Variants in NSMCE2 observed in about 807,000 individuals in gnomAD.
The protein encoded by NSMCE2 is E3 SUMO-protein ligase NSE2.
A neutral mutation model predicts 23.8 loss-of-function variants in NSMCE2; 24 were observed. That is an observed-to-expected ratio of 1.01 (90% CI 0.73 to 1.42). The LOEUF is 1.42. Among genes scored for constraint, NSMCE2 ranks in the 40% most tolerant of loss-of-function variants. The pLI is 0.00. For missense variants in NSMCE2, 284 were observed against 296.5 expected (o/e 0.96, Z 0.31); for synonymous variants, 92 against 94.1 (o/e 0.98, Z 0.13).
In NSMCE2 at chr8:125,111,508, A is replaced by G. The variant is rs552715090; in HGVS notation, c.157+9021A>G. ...TTTTGCTTAAACCTTTCATGTTCAA[A>G]ATGTTTTGAGGCTGGTTGCGGTGGC... is the stretch of plus-strand genomic sequence containing the variant. On this transcript the variant is annotated intron_variant, in intron 3 of 7. Transcript: ENST00000287437. Among the ~76,000 whole-genome samples, 77 of 152,292 alleles carry G rather than the reference A, an allele frequency of 5.1e-4. 2 individuals carry two copies. The South Asian group carries it at 0.016, about 32-fold the overall frequency.
chr8:125,286,172 C>T (rs1363956148), intron 5 of NSMCE2, among the ~76,000 whole-genome samples: 11 of 152,220 alleles, frequency 7.2e-5, no homozygotes, highest in African/African-American at 2.4e-4. Context: ...TCAGTGAAAG[C>T]CAAAGGTTTT....
At chr8:125,296,962 A>G (rs1483781520) in intron 5 of NSMCE2, among the ~76,000 whole-genome samples, 2 of 152,244 alleles carry the variant, frequency 1.3e-5, no homozygotes, top group East Asian at 1.9e-4. Flanking sequence ...CTTATTTTGC[A>G]TAGAAAATAT....
Position 125,156,957 on chromosome 8 carries a change from G to A in NSMCE2, c.264+5680G>A, listed in dbSNP as rs574056222. ...TTGCAGGTTGGAAGTTACCATTTTA[G>A]TTAAACCAAATTTGGGAAGAATTTC... On this transcript the variant is annotated intron_variant, in intron 4 of 7. Transcript: ENST00000287437. Among the ~76,000 whole-genome samples the A allele has an allele frequency of 1.5e-4, 23 of 152,212 alleles. 1 individual carries two copies. The South Asian group carries it at 4.8e-3, about 32-fold the overall frequency.
intron 5 of NSMCE2, among the ~76,000 whole-genome samples, chr8:125,240,163 T>C (rs1331333370): frequency 1.3e-5 from 2 of 151,614 alleles, no homozygotes; most frequent in Admixed American, 6.6e-5. Context: ...TCTTGCTCTG[T>C]CTCCCAGGCT....
At chr8:125,226,358 G>A (rs559071737) in intron 5 of NSMCE2, among the ~76,000 whole-genome samples, 1 of 152,302 alleles carries the variant, frequency 6.6e-6, no homozygotes, top group East Asian at 1.9e-4. Context: ...TTCTAATCAT[G>A]GGACATTCGC....
At chr8:125,130,619 A>G (rs1455244053) in intron 3 of NSMCE2, among the ~76,000 whole-genome samples, 1 of 152,148 alleles carries the variant, frequency 6.6e-6, no homozygotes, top group Non-Finnish European at 1.5e-5. Flanking sequence ...GCTTGCTGCT[A>G]CCAGAAAGTG....
At chr8:125,227,332 G>A (rs993884676) in intron 5 of NSMCE2, among the ~76,000 whole-genome samples, 1 of 152,180 alleles carries the variant, frequency 6.6e-6, no homozygotes, top group African/African-American at 2.4e-5. Flanking sequence ...TCAGATAGCA[G>A]TGAGAAGATG....
intron 5 of NSMCE2, among the ~76,000 whole-genome samples, chr8:125,201,644 C>T (rs562663299): frequency 7.2e-5 from 11 of 152,304 alleles, no homozygotes; most frequent in South Asian, 4.1e-4. Flanking sequence ...GGCTACACAG[C>T]GCTCAGGGAC....
chr8:125,207,976 G>A (rs1387015572), intron 5 of NSMCE2, among the ~76,000 whole-genome samples: 2 of 152,236 alleles, frequency 1.3e-5, no homozygotes, highest in African/African-American at 2.4e-5. Flanking sequence ...AGGCAGCCCA[G>A]ATTCTAAGGG....
intron 5 of NSMCE2, among the ~76,000 whole-genome samples, chr8:125,199,294 C>T (rs539578282): frequency 6.6e-6 from 1 of 152,242 alleles, no homozygotes; most frequent in African/African-American, 2.4e-5. Flanking sequence ...TTAGATCTTT[C>T]CTGCTTTCTC....
chr8:125,224,574 T>C (rs1364876276), intron 5 of NSMCE2, among the ~76,000 whole-genome samples: 2 of 152,250 alleles, frequency 1.3e-5, no homozygotes, highest in Non-Finnish European at 2.9e-5. Context: ...TTCCCCATTG[T>C]GTGCTCTTGG....
chr8:125,360,489 A>G (rs1293463422), intron 7 of NSMCE2, among the ~76,000 whole-genome samples: 2 of 152,196 alleles, frequency 1.3e-5, no homozygotes, highest in Non-Finnish European at 2.9e-5. Flanking sequence ...CCTGGTGCCA[A>G]CCCTCAAAAA....
intron 3 of NSMCE2, among the ~76,000 whole-genome samples, chr8:125,131,782 A>G (rs1242214875): frequency 2.0e-5 from 3 of 152,198 alleles, no homozygotes; most frequent in Non-Finnish European, 4.4e-5. Flanking sequence ...TTAAACAAGC[A>G]TCCCAAGTAA....
chr8:125,177,807 G>GT (rs1267092007), intron 4 of NSMCE2, among the ~76,000 whole-genome samples: 2 of 152,060 alleles, frequency 1.3e-5, no homozygotes, highest in African/African-American at 2.4e-5. Flanking sequence ...TTCTTCTTTA[G>GT]TTTTTCAGAG....
chr8:125,111,405 G>GA (rs376720891), intron 3 of NSMCE2, among the ~76,000 whole-genome samples: 3 of 151,922 alleles, frequency 2.0e-5, no homozygotes, highest in East Asian at 1.9e-4. Flanking sequence ...AAGTATGGGT[G>GA]AAAAAAAACT....
intron 3 of NSMCE2, among the ~76,000 whole-genome samples, chr8:125,143,528 A>G (rs1820496457): frequency 6.6e-6 from 1 of 152,196 alleles, no homozygotes. Flanking sequence ...AATTGGAGTC[A>G]GCAACCCCTT....
At chr8:125,171,846 T>C (rs1822228186) in intron 4 of NSMCE2, among the ~76,000 whole-genome samples, 1 of 152,230 alleles carries the variant, frequency 6.6e-6, no homozygotes, top group South Asian at 2.1e-4. Context: ...CCTGCAGTGA[T>C]GGAAACGTTC....
chr8:125,299,804 CT>C (rs58789139), intron 5 of NSMCE2, among the ~76,000 whole-genome samples: 686 of 70,158 alleles, frequency 9.8e-3, no homozygotes, highest in African/African-American at 0.016. Flanking sequence ...TTTTGGCTTT[CT>C]TTTTTTTTTT....
intron 5 of NSMCE2, among the ~76,000 whole-genome samples, chr8:125,297,725 G>A (rs536181690): frequency 3.9e-5 from 6 of 151,912 alleles, no homozygotes; most frequent in South Asian, 2.1e-4. Context: ...GTCATAGCTA[G>A]TTGGGAGGCT....
Sources: allele counts gnomAD v4.1 joint callset (sites outside exome capture counted in the v4.1 genomes callset), GRCh38; gene constraint gnomAD v4.1.1; transcripts MANE v1.5; gene names NCBI Gene and HGNC (gene_info 2026-07-23, HGNC 2026-07-21).